The following EPHA4 variants were observed in gnomAD, a reference collection of about 807,000 sequenced individuals.
The protein encoded by EPHA4 is EPH receptor A4.
EPHA4 carries 19 observed loss-of-function variants against 108.3 expected under a neutral mutation model. The observed-to-expected ratio is 0.18, with a 90% confidence interval of 0.12 to 0.26. The LOEUF is 0.26. Among genes scored for constraint, EPHA4 ranks in the 10% least tolerant of loss-of-function variants. The probability of loss-of-function intolerance (pLI) is 1.00; values close to 1 mark genes in which losing one functional copy is unlikely to be tolerated. For missense variants in EPHA4, 917 were observed against 1,254.0 expected (o/e 0.73, Z 4.06); for synonymous variants, 449 against 455.5 (o/e 0.99, Z 0.18).
intron 1 of EPHA4, among the ~76,000 whole-genome samples, chr2:221,570,928 C>A (rs1009834078): frequency 6.6e-5 from 10 of 151,842 alleles, no homozygotes; most frequent in African/African-American, 1.7e-4. Context: ...GATGGACGGA[C>A]GGATAGATAG....
intron 3 of EPHA4, among the ~76,000 whole-genome samples, chr2:221,516,014 A>G (rs532571050): frequency 5.9e-5 from 9 of 152,224 alleles, no homozygotes; most frequent in Non-Finnish European, 1.0e-4. Flanking sequence ...AAAGAAAGAA[A>G]AACAAAACAT....
chr2:221,437,277 T>G, intron 11 of EPHA4, 155 bp from the exon 12 acceptor site: 2 of 552,722 alleles, frequency 3.6e-6, no homozygotes, highest in Non-Finnish European at 6.4e-6. Flanking sequence ...TGTGGGGAGC[T>G]AGGAATGAAA....
chr2:221,566,811 G>C (rs902475577), intron 2 of EPHA4, among the ~76,000 whole-genome samples: 3 of 143,738 alleles, frequency 2.1e-5, no homozygotes, highest in East Asian at 2.0e-4. Flanking sequence ...GGGAGAAGAA[G>C]AAGAAGGAGA....
chr2:221,535,120 T>C, intron 3 of EPHA4, among the ~76,000 whole-genome samples: 1 of 152,178 alleles, frequency 6.6e-6, no homozygotes, highest in East Asian at 1.9e-4. Context: ...AACCTGGAAA[T>C]CACTTTCAAC....
At chr2:221,567,550 G>A (rs1215529790) in intron 2 of EPHA4, among the ~76,000 whole-genome samples, 1 of 152,132 alleles carries the variant, frequency 6.6e-6, no homozygotes, top group Non-Finnish European at 1.5e-5. Flanking sequence ...CAAACCAATG[G>A]CAGTCAAGTT....
At chr2:221,509,786 T>TCTGTCTGACATTCATATTCA (rs1415644023) in intron 3 of EPHA4, among the ~76,000 whole-genome samples, 1 of 152,202 alleles carries the variant, frequency 6.6e-6, no homozygotes, top group Non-Finnish European at 1.5e-5. Context: ...AAGGTGATTT[T>TCTGTCTGACATTCATATTCA]CTGTCTGACA....
intron 5 of EPHA4, among the ~76,000 whole-genome samples, chr2:221,466,631 T>C (rs1691321346): frequency 6.6e-6 from 1 of 152,186 alleles, no homozygotes; most frequent in African/African-American, 2.4e-5. Context: ...GAAACTAGCA[T>C]TTATTGAGTA....
At chr2:221,484,148 T>C (rs2106143048) in intron 4 of EPHA4, among the ~76,000 whole-genome samples, 1 of 152,340 alleles carries the variant, frequency 6.6e-6, no homozygotes, top group South Asian at 2.1e-4. Flanking sequence ...TGCATGAACT[T>C]GGATGAGCTT....
intron 3 of EPHA4, among the ~76,000 whole-genome samples, chr2:221,505,993 A>G (rs1201152787): frequency 3.3e-5 from 5 of 152,190 alleles, no homozygotes; most frequent in Admixed American, 6.5e-5. Context: ...TTGCACCTTA[A>G]TATAGAGTCG....
At chr2:221,520,572 G>C (rs577389356) in intron 3 of EPHA4, among the ~76,000 whole-genome samples, 1 of 150,246 alleles carries the variant, frequency 6.7e-6, no homozygotes, top group East Asian at 1.9e-4. Flanking sequence ...CAAGAGGGGG[G>C]AGAGAGAGAG....
intron 3 of EPHA4, among the ~76,000 whole-genome samples, chr2:221,513,546 C>A (rs924308527): frequency 9.9e-5 from 15 of 152,056 alleles, no homozygotes; most frequent in African/African-American, 3.4e-4. Context: ...GAAGCAGAAC[C>A]TTTAAAAGAC....
chr2:221,441,766 G>C (rs542376638), intron 11 of EPHA4, among the ~76,000 whole-genome samples: 2 of 152,028 alleles, frequency 1.3e-5, no homozygotes, highest in Non-Finnish European at 2.9e-5. Flanking sequence ...GTTTGAGCTC[G>C]GTGGCCAAGC....
intron 3 of EPHA4, among the ~76,000 whole-genome samples, chr2:221,524,701 C>A (rs1693270758): frequency 6.6e-6 from 1 of 152,180 alleles, no homozygotes; most frequent in African/African-American, 2.4e-5. Flanking sequence ...CTTGACTTAA[C>A]CTGGGAAGAT....
At chr2:221,445,139 A>C (rs774397130) in intron 9 of EPHA4, among the ~76,000 whole-genome samples, 11 of 152,168 alleles carry the variant, frequency 7.2e-5, no homozygotes, top group Non-Finnish European at 1.2e-4. Flanking sequence ...TTAAATTTAA[A>C]AATCACTTTC....
intron 8 of EPHA4, 134 bp from the exon 9 acceptor site, chr2:221,446,315 G>T: frequency 2.4e-6 from 1 of 410,728 alleles, no homozygotes; most frequent in Non-Finnish European, 4.1e-6. Flanking sequence ...AGAAAACTGA[G>T]ACTTACAAGA....
chr2:221,542,248 G>A (rs1318690589), intron 3 of EPHA4, among the ~76,000 whole-genome samples: 1 of 152,156 alleles, frequency 6.6e-6, no homozygotes, highest in Non-Finnish European at 1.5e-5. Context: ...TAAGAAGAAG[G>A]TGCAAAACTT....
chr2:221,439,588 A>G (rs1171043692), intron 11 of EPHA4, among the ~76,000 whole-genome samples: 2 of 151,900 alleles, frequency 1.3e-5, no homozygotes, highest in African/African-American at 2.4e-5. Flanking sequence ...CCTGGGCTCA[A>G]GGGATCCTCC....
intron 5 of EPHA4, among the ~76,000 whole-genome samples, chr2:221,465,586 A>G (rs13026801): frequency 6.6e-6 from 1 of 152,132 alleles, no homozygotes; most frequent in Admixed American, 6.5e-5. Flanking sequence ...ATTCCTTTGT[A>G]TCTACGGTAG....
chr2:221,470,643 C>CT (rs1366206031), intron 5 of EPHA4, among the ~76,000 whole-genome samples: 1 of 147,224 alleles, frequency 6.8e-6, no homozygotes, highest in Non-Finnish European at 1.5e-5. Context: ...TTTAGGGAAC[C>CT]TTTTTTATAA....
Sources: allele counts gnomAD v4.1 joint callset (sites outside exome capture counted in the v4.1 genomes callset), GRCh38; gene constraint gnomAD v4.1.1; transcripts MANE v1.5; gene names NCBI Gene and HGNC (gene_info 2026-07-23, HGNC 2026-07-21).